Variants in SLC71A2 observed in about 807,000 individuals in gnomAD.
The protein encoded by SLC71A2 is solute carrier family 71 member 2, also known as hippocampus abundant transcript-like 1.
the SLC71A2 span, among the ~76,000 whole-genome samples, chr9:94,415,467 T>C: frequency 2.6e-5 from 4 of 152,120 alleles, no homozygotes; most frequent in South Asian, 2.1e-4. Flanking sequence ...CACTGCACTC[T>C]TATTGAAGTA....
the SLC71A2 span, among the ~76,000 whole-genome samples, chr9:94,420,037 G>A: frequency 2.0e-5 from 3 of 152,108 alleles, no homozygotes; most frequent in South Asian, 6.2e-4. Context: ...GCCATTTTCA[G>A]TTCTTCCCTG....
the SLC71A2 span, among the ~76,000 whole-genome samples, chr9:94,445,718 T>C: frequency 5.0e-4 from 76 of 152,194 alleles, no homozygotes; most frequent in African/African-American, 1.8e-3. Context: ...GGAAAACATA[T>C]CTTATCTCTC....
chr9:94,380,261 ACT>A, the SLC71A2 span, among the ~76,000 whole-genome samples: 1 of 150,712 alleles, frequency 6.6e-6, no homozygotes, highest in Non-Finnish European at 1.5e-5. Context: ...ACAGAGCGAG[ACT>A]CTTTCTCAAA....
At chr9:94,426,985 G>A in the SLC71A2 span, among the ~76,000 whole-genome samples, 2 of 152,144 alleles carry the variant, frequency 1.3e-5, no homozygotes, top group Non-Finnish European at 2.9e-5. Flanking sequence ...ACAGGTGTAT[G>A]CCACTGTGCC....
the SLC71A2 span, chr9:94,459,056 T>A: frequency 8.4e-7 from 1 of 1,185,750 alleles, no homozygotes; most frequent in Non-Finnish European, 1.2e-6. Flanking sequence ...TATGAGAATA[T>A]GATTCACTTT....
At chr9:94,458,582 C>T in the SLC71A2 span, 2 of 1,003,322 alleles carry the variant, frequency 2.0e-6, no homozygotes, top group Non-Finnish European at 3.1e-6. Context: ...TATTTGGCAG[C>T]AATAAGTATT....
At chr9:94,437,364 G>A in the SLC71A2 span, among the ~76,000 whole-genome samples, 19 of 144,630 alleles carry the variant, frequency 1.3e-4, no homozygotes, top group South Asian at 4.5e-3. Flanking sequence ...CCACCCTGCT[G>A]CTTATCTGTA....
chr9:94,459,027 A>T, the SLC71A2 span: 1 of 1,000,568 alleles, frequency 1.0e-6, no homozygotes, highest in African/African-American at 1.6e-5. Flanking sequence ...TTGCCTTGAC[A>T]TTTAATGAAA....
At chr9:94,379,036 A>T in the SLC71A2 span, among the ~76,000 whole-genome samples, 1 of 140,092 alleles carries the variant, frequency 7.1e-6, no homozygotes, top group African/African-American at 2.7e-5. Context: ...AGCTGTGAAT[A>T]ATGACCTCGT....
At chr9:94,432,393 G>A in the SLC71A2 span, among the ~76,000 whole-genome samples, 29 of 151,628 alleles carry the variant, frequency 1.9e-4, no homozygotes, top group African/African-American at 6.5e-4. Flanking sequence ...CCAGCTACTT[G>A]GGAGGCTGAG....
chr9:94,446,944 G>T, the SLC71A2 span: 1 of 1,348,184 alleles, frequency 7.4e-7, no homozygotes, highest in African/African-American at 1.4e-5. Flanking sequence ...CAGGTGAGTA[G>T]TGAGTGGCTA....
chr9:94,385,105 T>C, the SLC71A2 span, among the ~76,000 whole-genome samples: 1 of 152,066 alleles, frequency 6.6e-6, no homozygotes, highest in Non-Finnish European at 1.5e-5. Context: ...TCTGTGGTAT[T>C]CTATTATAGC....
At chr9:94,447,611 A>G in the SLC71A2 span, among the ~76,000 whole-genome samples, 3 of 151,870 alleles carry the variant, frequency 2.0e-5, no homozygotes, top group Admixed American at 6.6e-5. Context: ...CTCCTCCACT[A>G]TCAACATCTC....
chr9:94,386,649 G>A, the SLC71A2 span, among the ~76,000 whole-genome samples: 2 of 151,728 alleles, frequency 1.3e-5, no homozygotes, highest in African/African-American at 4.8e-5. Flanking sequence ...TCACTTTCAT[G>A]TCAACTCAGA....
At chr9:94,389,937 G>A in the SLC71A2 span, among the ~76,000 whole-genome samples, 13 of 151,896 alleles carry the variant, frequency 8.6e-5, no homozygotes, top group East Asian at 5.8e-4. Flanking sequence ...TGTCTTGGCC[G>A]GGTGCAGGGG....
At chr9:94,458,656 A>G in the SLC71A2 span, among the ~76,000 whole-genome samples, 1 of 133,574 alleles carries the variant, frequency 7.5e-6, no homozygotes, top group African/African-American at 2.7e-5. Flanking sequence ...TATGTAAAAG[A>G]TATGTCTTAA....
the SLC71A2 span, among the ~76,000 whole-genome samples, chr9:94,442,520 G>A: frequency 6.6e-6 from 1 of 152,036 alleles, no homozygotes; most frequent in Non-Finnish European, 1.5e-5. Context: ...GGAAAGCTTC[G>A]AAGAAGACAA....
chr9:94,437,816 G>GTA, the SLC71A2 span, among the ~76,000 whole-genome samples: 21 of 145,312 alleles, frequency 1.4e-4, no homozygotes, highest in South Asian at 2.3e-4. Context: ...TCAAATGTGG[G>GTA]TATATATATA....
the SLC71A2 span, among the ~76,000 whole-genome samples, chr9:94,419,549 C>G: frequency 0.032 from 4,878 of 152,228 alleles, 260 homozygotes; most frequent in African/African-American, 0.11. Context: ...TCGTGATCCG[C>G]CCACCTCGGC....
Sources: gnomAD v4.1 joint callset for allele counts (sites outside exome capture counted in the v4.1 genomes callset) on GRCh38, gnomAD v4.1.1 for gene constraint, MANE v1.5 for transcripts, NCBI Gene and HGNC (gene_info 2026-07-23, HGNC 2026-07-21) for gene names.